Variants in SYNPR observed in about 807,000 individuals in gnomAD.
The protein encoded by SYNPR is synaptoporin.
Under a neutral mutation model 32.9 loss-of-function variants are expected in SYNPR, and 23 were observed. That is an observed-to-expected ratio of 0.70 (90% confidence interval 0.50 to 0.99). SYNPR has a LOEUF of 0.99. SYNPR is among the 50% of genes least tolerant of loss of function. The pLI, the probability that SYNPR is intolerant of heterozygous loss-of-function variation, is 0.00. For missense variants in SYNPR, 318 were observed against 349.3 expected (o/e 0.91, Z 0.71); for synonymous variants, 146 against 135.9 (o/e 1.07, Z -0.52).
intron 2 of SYNPR, among the ~76,000 whole-genome samples, chr3:63,305,240 G>A (rs1489414901): frequency 6.6e-6 from 1 of 151,984 alleles, no homozygotes; most frequent in Admixed American, 6.6e-5. Context: ...TGAGCCTGGG[G>A]GTGACTGTAG....
At chr3:63,510,267 G>C (rs1701671347) in intron 3 of SYNPR, among the ~76,000 whole-genome samples, 1 of 152,158 alleles carries the variant, frequency 6.6e-6, no homozygotes, top group African/African-American at 2.4e-5. Flanking sequence ...CCCTATCACT[G>C]TATAATGATT....
At chr3:63,248,535 G>A (rs1303872450) in intron 1 of SYNPR, among the ~76,000 whole-genome samples, 1 of 152,102 alleles carries the variant, frequency 6.6e-6, no homozygotes, top group Non-Finnish European at 1.5e-5. Context: ...TATTTTAGAT[G>A]CTACAGAATC....
intron 2 of SYNPR, among the ~76,000 whole-genome samples, chr3:63,379,976 T>C (rs2087945269): frequency 1.3e-5 from 2 of 152,302 alleles, no homozygotes; most frequent in Middle Eastern, 3.4e-3. Context: ...CTGAGAATGA[T>C]GGTTTCCAGC....
chr3:63,266,044 A>G (rs1256233101), intron 2 of SYNPR, among the ~76,000 whole-genome samples: 2 of 152,166 alleles, frequency 1.3e-5, no homozygotes, highest in African/African-American at 4.8e-5. Context: ...GATTCTAGAA[A>G]CACAGACTCT....
chr3:63,314,775 G>T (rs1163198075), intron 2 of SYNPR, among the ~76,000 whole-genome samples: 1 of 151,842 alleles, frequency 6.6e-6, no homozygotes, highest in Non-Finnish European at 1.5e-5. Flanking sequence ...TTGTTTTTGG[G>T]TTCTTGGTCA....
At chr3:63,480,296 C>A (rs949609106) in intron 2 of SYNPR, among the ~76,000 whole-genome samples, 2 of 152,194 alleles carry the variant, frequency 1.3e-5, no homozygotes, top group Non-Finnish European at 2.9e-5. Flanking sequence ...AGATCTTGTG[C>A]TCTAAAATAG....
chr3:63,341,665 G>C (rs1038166131), intron 2 of SYNPR, among the ~76,000 whole-genome samples: 1 of 152,278 alleles, frequency 6.6e-6, no homozygotes, highest in African/African-American at 2.4e-5. Flanking sequence ...TTAGTGAAAT[G>C]AATGTTCATA....
intron 4 of SYNPR, among the ~76,000 whole-genome samples, chr3:63,560,271 T>A (rs1031685614): frequency 1.3e-5 from 2 of 151,990 alleles, no homozygotes; most frequent in African/African-American, 2.4e-5. Context: ...ATCATAGGAG[T>A]CACAGAGGCA....
intron 2 of SYNPR, among the ~76,000 whole-genome samples, chr3:63,381,366 A>G (rs1267016947): frequency 6.6e-6 from 1 of 152,220 alleles, no homozygotes; most frequent in East Asian, 1.9e-4. Context: ...GGACCTCTTC[A>G]AGGAGAACTA....
chr3:63,254,606 T>G (rs1275827385), intron 2 of SYNPR, among the ~76,000 whole-genome samples: 5 of 152,160 alleles, frequency 3.3e-5, no homozygotes, highest in African/African-American at 9.7e-5. Flanking sequence ...TGTGGGAATT[T>G]CAAGCCAGAT....
chr3:63,257,170 C>G (rs911085270), intron 2 of SYNPR, among the ~76,000 whole-genome samples: 6 of 152,122 alleles, frequency 3.9e-5, no homozygotes, highest in African/African-American at 1.4e-4. Context: ...GAGAACTTCC[C>G]CAGTCTAGCA....
At chr3:63,537,521 T>C (rs1702231097) in intron 3 of SYNPR, among the ~76,000 whole-genome samples, 1 of 152,180 alleles carries the variant, frequency 6.6e-6, no homozygotes, top group South Asian at 2.1e-4. Context: ...TATAAGCTTC[T>C]TGAAGCATTT....
At chr3:63,589,783 TA>T (rs1417244984) in intron 4 of SYNPR, among the ~76,000 whole-genome samples, 1 of 85,086 alleles carries the variant, frequency 1.2e-5, no homozygotes, top group East Asian at 3.0e-4. Context: ...CTCAATAAAT[TA>T]GGTATTGATG....
intron 2 of SYNPR, among the ~76,000 whole-genome samples, chr3:63,374,883 C>T (rs2087867575): frequency 6.6e-6 from 1 of 152,148 alleles, no homozygotes; most frequent in South Asian, 2.1e-4. Flanking sequence ...TGTCAAAGAT[C>T]AGATGGTTGT....
chr3:63,482,763 G>C lies in SYNPR; in HGVS notation c.209+1807G>C, dbSNP rs555309793. On this transcript the variant is annotated intron_variant, in intron 3 of 5. Coordinates refer to ENST00000478300, the MANE Select transcript of SYNPR (RefSeq NM_001130003.2). Reference sequence around the variant, plus strand: ...CATTCCAAAACAGCTTAATTTACTAGGGTTGCAATTTCAATTTTACATTTG... The same window carrying C: ...CATTCCAAAACAGCTTAATTTACTACGGTTGCAATTTCAATTTTACATTTG... Among the ~76,000 whole-genome samples the C allele has an allele frequency of 2.0e-5, 3 of 152,152 alleles. No individual in the cohort carries two copies. The South Asian group carries it at 6.2e-4, about 32-fold the overall frequency.
At chr3:63,529,711 A>C (rs1443260482) in intron 3 of SYNPR, among the ~76,000 whole-genome samples, 1 of 152,230 alleles carries the variant, frequency 6.6e-6, no homozygotes, top group African/African-American at 2.4e-5. Flanking sequence ...CAAAAGAATT[A>C]AGTAAAGATT....
intron 2 of SYNPR, among the ~76,000 whole-genome samples, chr3:63,460,909 T>C (rs575488955): frequency 1.3e-5 from 2 of 152,210 alleles, no homozygotes; most frequent in Admixed American, 6.5e-5. Flanking sequence ...GATAGTGGCC[T>C]GAACTAAGGC....
chr3:63,543,171 A>G (rs1702337505), intron 3 of SYNPR, among the ~76,000 whole-genome samples: 1 of 137,706 alleles, frequency 7.3e-6, no homozygotes, highest in Admixed American at 7.6e-5. Flanking sequence ...CTTGTGAGAA[A>G]GTGAGAGTAA....
Position 63,609,267 on chromosome 3 carries a change from A to G in SYNPR, c.551A>G (p.Lys184Arg). The G allele has an allele frequency of 6.2e-7, 1 of 1,604,864 alleles. No homozygotes were observed. The highest frequency in any genetic ancestry group is 8.5e-7 in the Non-Finnish European group (1 of 1,175,292). The change falls in exon 5 of 6, where the codon AAA (lysine) becomes AGA (arginine). Residue 184 changes from lysine to arginine, a missense_variant. Coordinates refer to ENST00000478300, the MANE Select transcript of SYNPR (RefSeq NM_001130003.2). Reference protein sequence around the residue: ...LMSACKQPSNKCMAIHSPVMS... With the variant: ...LMSACKQPSNRCMAIHSPVMS... ...TCAGCTTGCAAACAGCCATCCAACAAATGCATGGCTATCCACAGCCCTGTT... is the reference window on the plus strand; with the variant it reads ...TCAGCTTGCAAACAGCCATCCAACAGATGCATGGCTATCCACAGCCCTGTT...
Sources: gnomAD v4.1 joint callset for allele counts (sites outside exome capture counted in the v4.1 genomes callset) on GRCh38, gnomAD v4.1.1 for gene constraint, MANE v1.5 for transcripts, NCBI Gene and HGNC (gene_info 2026-07-23, HGNC 2026-07-21) for gene names.